Variants in FAM47E observed in about 807,000 individuals in gnomAD.
FAM47E encodes the protein protein FAM47E.
FAM47E carries 32 observed loss-of-function variants against 41.6 expected under a neutral mutation model. The ratio of observed to expected loss-of-function variants is 0.77; its 90% CI spans 0.58 to 1.03. The LOEUF is 1.03. FAM47E is among the 50% of genes least tolerant of loss of function. The pLI is 0.00. For missense variants in FAM47E, 424 were observed against 485.4 expected (o/e 0.87, Z 1.19); for synonymous variants, 184 against 188.7 (o/e 0.98, Z 0.20).
Position 76,278,237 on chromosome 4 carries a change from ACTGAGATTTGATCAT to A in FAM47E, c.1026+19_1026+33del. ...GCTGCAGGAACAGGTATGTATTTAT[ACTGAGATTTGATCAT>A]CTGAGCTTCAGATGATCACAGTGCA... is the stretch of plus-strand genomic sequence containing the variant. On this transcript the variant is annotated intron_variant, in intron 6 of 7. Transcript: ENST00000424749. 2.0e-6 allele frequency: 3 copies of A among 1,513,426 alleles called. No homozygotes were observed. The African/African-American group carries it at 4.2e-5, about 21-fold the overall frequency. The allele number at this position is 1,513,426 out of a possible 1,614,324, so 93.7% of individuals were successfully genotyped here.
At chr4:76,264,888 G>A (rs1734565071) in intron 3 of FAM47E, among the ~76,000 whole-genome samples, 1 of 152,172 alleles carries the variant, frequency 6.6e-6, no homozygotes, top group African/African-American at 2.4e-5. Context: ...GAGCCACTGG[G>A]CCGGGCCTAC....
chr4:76,265,451 A>G (rs1560747327), intron 3 of FAM47E, among the ~76,000 whole-genome samples: 1 of 152,082 alleles, frequency 6.6e-6, no homozygotes, highest in African/African-American at 2.4e-5. Context: ...TGCTCTCTGT[A>G]TTGTTTTTGA....
intron 5 of FAM47E, among the ~76,000 whole-genome samples, chr4:76,272,996 C>G (rs1197490503): frequency 6.6e-6 from 1 of 152,132 alleles, no homozygotes. Flanking sequence ...ACAACTTGTT[C>G]TGCCTCATTT....
At chr4:76,273,925 T>C (rs1385187438) in intron 5 of FAM47E, among the ~76,000 whole-genome samples, 2 of 152,194 alleles carry the variant, frequency 1.3e-5, no homozygotes, top group East Asian at 3.8e-4. Flanking sequence ...TCCTATGTTA[T>C]AATTTTTATC....
chr4:76,220,953 G>T (rs1733295820), intron 2 of FAM47E, among the ~76,000 whole-genome samples: 1 of 152,138 alleles, frequency 6.6e-6, no homozygotes, highest in African/African-American at 2.4e-5. Flanking sequence ...TTCCCCTGGG[G>T]ATGGCAGCTT....
At chr4:76,216,678 G>A (rs183892589) in intron 1 of FAM47E, among the ~76,000 whole-genome samples, 1 of 152,284 alleles carries the variant, frequency 6.6e-6, no homozygotes, top group East Asian at 1.9e-4. Context: ...TGCTCTCTGA[G>A]GATCTCACTC....
At chr4:76,248,058 G>A (rs1733869369), upstream of FAM47E, among the ~76,000 whole-genome samples, 1 of 151,560 alleles carries the variant, frequency 6.6e-6, no homozygotes. Context: ...GGGACTACAG[G>A]CGCCCACCAC....
In FAM47E at chr4:76,283,664, A is replaced by G. The variant is rs1455680939; in HGVS notation, c.*206A>G. The stretch of plus-strand genomic sequence containing the variant: ...GCTTCAGTTAATCAACATTTTGTAT[A>G]CTTTATCACCCATGAGATCAATATT... On this transcript the variant is annotated 3_prime_UTR_variant, in exon 8 of 8. Transcript: ENST00000424749. 2.1e-6 allele frequency: 1 copy of G among 484,530 alleles called. No homozygotes were observed. The highest frequency in any genetic ancestry group is 1.9e-5 in the African/African-American group (1 of 51,766). 30.0% of individuals were successfully genotyped at this position (484,530 alleles called of 1,614,324 possible).
At chr4:76,242,119 C>G (rs934743341) in intron 2 of FAM47E, among the ~76,000 whole-genome samples, 5 of 152,182 alleles carry the variant, frequency 3.3e-5, no homozygotes, top group Non-Finnish European at 5.9e-5. Context: ...ATACAGGAAA[C>G]TTACGGATAA....
chr4:76,280,460 A>C, intron 7 of FAM47E, 119 bp downstream of exon 7: 1 of 542,354 alleles, frequency 1.8e-6, no homozygotes, highest in Non-Finnish European at 3.3e-6. Flanking sequence ...ACATACCAAG[A>C]CAGGCCCCTG....
intron 2 of FAM47E, among the ~76,000 whole-genome samples, chr4:76,228,792 C>G (rs1560729835): frequency 6.6e-6 from 1 of 152,154 alleles, no homozygotes; most frequent in Non-Finnish European, 1.5e-5. Flanking sequence ...TTCTTTCCTT[C>G]ATCTTGATGT....
At chr4:76,277,563 G>T (rs1735180133) in intron 5 of FAM47E, among the ~76,000 whole-genome samples, 1 of 151,514 alleles carries the variant, frequency 6.6e-6, no homozygotes, top group South Asian at 2.1e-4. Context: ...AAAAAATATT[G>T]TAGCATGTGC....
intron 1 of FAM47E, among the ~76,000 whole-genome samples, chr4:76,252,683 C>T (rs1459421312): frequency 6.6e-6 from 1 of 152,150 alleles, no homozygotes; most frequent in African/African-American, 2.4e-5. Context: ...TTGTTTCTAG[C>T]AGTTATTCAT....
chr4:76,258,198 C>A (rs975523599), intron 2 of FAM47E, among the ~76,000 whole-genome samples: 8 of 152,150 alleles, frequency 5.3e-5, no homozygotes, highest in Non-Finnish European at 2.9e-5. Context: ...GCTAAGGTGG[C>A]CATCAGAAGA....
At chr4:76,243,578 GCTTAAT>G (rs1366103844) in intron 2 of FAM47E, among the ~76,000 whole-genome samples, 1 of 152,108 alleles carries the variant, frequency 6.6e-6, no homozygotes, top group East Asian at 1.9e-4. Context: ...GCAGAGCATT[GCTTAAT>G]CTTAAATTCA....
intron 4 of FAM47E, among the ~76,000 whole-genome samples, chr4:76,271,293 C>G (rs1419880558): frequency 6.6e-6 from 1 of 152,162 alleles, no homozygotes; most frequent in Non-Finnish European, 1.5e-5. Flanking sequence ...AGAGATGGCA[C>G]CACTATAAAG....
intron 2 of FAM47E, among the ~76,000 whole-genome samples, chr4:76,263,040 T>A (rs961585224): frequency 6.6e-6 from 1 of 152,016 alleles, no homozygotes; most frequent in Admixed American, 6.5e-5. Flanking sequence ...GCACTGAGAT[T>A]ATATGCCTTA....
intron 2 of FAM47E, among the ~76,000 whole-genome samples, chr4:76,220,182 A>C (rs1733284114): frequency 6.6e-6 from 1 of 152,238 alleles, no homozygotes; most frequent in Non-Finnish European, 1.5e-5. Context: ...AATTGAAGAC[A>C]GGTACTCAAA....
chr4:76,280,375 A>T, intron 7 of FAM47E, 34 bp downstream of exon 7: 2 of 1,265,822 alleles, frequency 1.6e-6, no homozygotes, highest in Non-Finnish European at 2.2e-6. Flanking sequence ...GGCCCTGCTG[A>T]GGGGCTTCAT....
Sources: allele counts gnomAD v4.1 joint callset (sites outside exome capture counted in the v4.1 genomes callset), GRCh38; gene constraint gnomAD v4.1.1; transcripts MANE v1.5; gene names NCBI Gene and HGNC (gene_info 2026-07-23, HGNC 2026-07-21).